Variants in HTR1F observed in about 807,000 individuals in gnomAD.
The protein encoded by HTR1F is 5-hydroxytryptamine (serotonin) receptor 1F, G protein-coupled.
In HTR1F, 17 loss-of-function variants were observed where a neutral mutation model predicts 24.0. The ratio of observed to expected loss-of-function variants is 0.71; its 90% confidence interval spans 0.48 to 1.06. HTR1F has a LOEUF of 1.06. HTR1F is among the 50% of genes least tolerant of loss of function. The probability of loss-of-function intolerance (pLI) is 0.00; values close to 1 mark genes in which losing one functional copy is unlikely to be tolerated. For synonymous variants in HTR1F, 186 were observed against 156.8 expected, an observed-to-expected ratio of 1.19 and a Z score of -1.39; for missense variants, 391 against 427.8, an observed-to-expected ratio of 0.91 and a Z score of 0.76.
intron 1 of HTR1F, among the ~76,000 whole-genome samples, chr3:87,814,603 G>A (rs1372463330): frequency 6.6e-6 from 1 of 151,904 alleles, no homozygotes; most frequent in Non-Finnish European, 1.5e-5. Context: ...CAAATATTAA[G>A]ACTTCTATTA....
chr3:87,922,705 G>A (rs1157449451), intron 2 of HTR1F, among the ~76,000 whole-genome samples: 1 of 151,762 alleles, frequency 6.6e-6, no homozygotes, highest in African/African-American at 2.4e-5. Context: ...TTATATATAG[G>A]GAGAGATGGG....
chr3:87,907,286 G>A (rs1015972092), intron 2 of HTR1F, among the ~76,000 whole-genome samples: 15 of 151,368 alleles, frequency 9.9e-5, no homozygotes, highest in African/African-American at 3.6e-4. Flanking sequence ...AATTAGTGAT[G>A]TTGAGTGTTT....
rs571649281 is a variant in HTR1F, at chr3:87,851,520, A to C, written c.-43+29396A>C. On this transcript the variant is annotated intron_variant, in intron 2 of 2. Coordinates refer to ENST00000319595, the MANE Select transcript of HTR1F (RefSeq NM_001322209.2). ...GCTTTTTGAAAATATATTTATATGC[A>C]TCTGTTTGCATCTTACTTTTATTGC... 5.9e-5 allele frequency among the ~76,000 whole-genome samples: 9 copies of C among 151,742 alleles called. No individual in the cohort carries two copies. In the South Asian group the frequency reaches 1.4e-3, roughly 24 times the overall value.
At chr3:87,869,411 A>AGATG (rs1705500161) in intron 2 of HTR1F, among the ~76,000 whole-genome samples, 1 of 143,274 alleles carries the variant, frequency 7.0e-6, no homozygotes, top group African/African-American at 2.8e-5. Flanking sequence ...ATAGATAGAT[A>AGATG]GATAGATAGA....
intron 2 of HTR1F, among the ~76,000 whole-genome samples, chr3:87,861,390 G>T: frequency 6.6e-6 from 1 of 152,006 alleles, no homozygotes; most frequent in East Asian, 1.9e-4. Context: ...CCACAAGTAA[G>T]GATGAAGAGC....
At chr3:87,988,803 T>G (rs942325589) in intron 2 of HTR1F, among the ~76,000 whole-genome samples, 2 of 151,770 alleles carry the variant, frequency 1.3e-5, no homozygotes, top group Non-Finnish European at 2.9e-5. Flanking sequence ...GGTCTTGAAC[T>G]CCTGACCTCA....
At chr3:87,859,857 G>A (rs1005007222) in intron 2 of HTR1F, among the ~76,000 whole-genome samples, 1 of 151,850 alleles carries the variant, frequency 6.6e-6, no homozygotes, top group African/African-American at 2.4e-5. Context: ...CAATAAAGCT[G>A]GGGAAAAAAA....
chr3:87,875,579 G>C (rs1705651768), intron 2 of HTR1F, among the ~76,000 whole-genome samples: 1 of 152,008 alleles, frequency 6.6e-6, no homozygotes, highest in African/African-American at 2.4e-5. Context: ...TCCAAAATAT[G>C]TACAGAACTC....
At chr3:87,928,269 C>T (rs1487634267) in intron 2 of HTR1F, among the ~76,000 whole-genome samples, 1 of 152,072 alleles carries the variant, frequency 6.6e-6, no homozygotes, top group Non-Finnish European at 1.5e-5. Context: ...TGGTCTCAAA[C>T]TCCTGTCCTC....
chr3:87,958,017 G>A (rs1282899272), intron 2 of HTR1F, among the ~76,000 whole-genome samples: 1 of 151,138 alleles, frequency 6.6e-6, no homozygotes, highest in African/African-American at 2.4e-5. Context: ...ATAAAAATAA[G>A]CTCTAAATCC....
At chr3:87,808,414 A>C (rs1704107448) in intron 1 of HTR1F, among the ~76,000 whole-genome samples, 1 of 151,664 alleles carries the variant, frequency 6.6e-6, no homozygotes, top group East Asian at 1.9e-4. Flanking sequence ...ATAGTTGTTC[A>C]TAATAGTGCC....
intron 2 of HTR1F, among the ~76,000 whole-genome samples, chr3:87,907,455 A>G (rs925334522): frequency 4.0e-5 from 6 of 151,812 alleles, no homozygotes; most frequent in African/African-American, 1.5e-4. Context: ...AAACACACCA[A>G]AAAATATGAA....
chr3:87,866,833 TGTGTGTGTGTGTGC>T lies in HTR1F; in HGVS notation c.-43+44720_-43+44733del, dbSNP rs1221545669. Among the ~76,000 whole-genome samples the T allele has an allele frequency of 3.8e-3, 580 of 151,556 alleles. 7 individuals are homozygous for T. Among genetic ancestry groups the T allele is most frequent in the African/African-American group, 0.014 (560 of 41,376 alleles). ...AAGTGTGCGTGCGTGTGTGTGTGTGTGTGTGTGTGTGTGCGTGTGTGTGTTCAGGGAGCAGTTGT... is the reference window on the plus strand; with the variant it reads ...AAGTGTGCGTGCGTGTGTGTGTGTGTGTGTGTGTGTTCAGGGAGCAGTTGT... On this transcript the variant is annotated intron_variant, in intron 2 of 2. Transcript: ENST00000319595.
chr3:87,848,466 T>C (rs1704998987), intron 2 of HTR1F, among the ~76,000 whole-genome samples: 5 of 151,904 alleles, frequency 3.3e-5, no homozygotes, highest in Admixed American at 3.3e-4. Context: ...AGGTTGTCTC[T>C]TCACTCTATT....
chr3:87,945,727 C>T lies in HTR1F; in HGVS notation c.-42-44981C>T, dbSNP rs547942334. ...TCTTAAGTCCAGCAGCCACGCTAAT[C>T]GTTTTTAACTGGCTGAAGGGTGCCC... is the stretch of plus-strand genomic sequence containing the variant. On this transcript the variant is annotated intron_variant, in intron 2 of 2. Coordinates refer to ENST00000319595, the MANE Select transcript of HTR1F (RefSeq NM_001322209.2). Among the ~76,000 whole-genome samples, 21 of 152,258 alleles carry T rather than the reference C, an allele frequency of 1.4e-4. No individual in the cohort carries two copies. In the South Asian group the frequency reaches 3.1e-3, roughly 23 times the overall value.
intron 2 of HTR1F, among the ~76,000 whole-genome samples, chr3:87,890,931 T>C (rs1458957187): frequency 6.7e-6 from 1 of 149,432 alleles, no homozygotes; most frequent in East Asian, 2.0e-4. Context: ...AACCTGTGCC[T>C]CCCGGGTTCA....
chr3:87,844,866 C>T (rs1327448879), intron 2 of HTR1F, among the ~76,000 whole-genome samples: 1 of 151,150 alleles, frequency 6.6e-6, no homozygotes. Context: ...TCTGAGGGCT[C>T]TGTTCTGTTC....
rs777946378 is a variant in HTR1F, at chr3:87,890,137, C to T, written c.-43+68013C>T. ...ATGCAGTGTGCTTCTTTTAAAGAAC[C>T]GTGTCATCCAAATCCACAAGCTGCA... On this transcript the variant is annotated intron_variant, in intron 2 of 2. Transcript: ENST00000319595. Among the ~76,000 whole-genome samples, 73 of 152,074 alleles carry T rather than the reference C, an allele frequency of 4.8e-4. 2 individuals are homozygous for T. Among genetic ancestry groups the T allele is most frequent in the South Asian group, 2.1e-4 (1 of 4,822 alleles).
chr3:87,808,645 C>A (rs114996886), intron 1 of HTR1F, among the ~76,000 whole-genome samples: 1 of 151,564 alleles, frequency 6.6e-6, no homozygotes, highest in East Asian at 1.9e-4. Context: ...TTCTTTCTTT[C>A]TACTTATTTG....
Sources: allele counts gnomAD v4.1 joint callset (sites outside exome capture counted in the v4.1 genomes callset), GRCh38; gene constraint gnomAD v4.1.1; transcripts MANE v1.5; gene names NCBI Gene and HGNC (gene_info 2026-07-23, HGNC 2026-07-21).